The following GRM7 variants were observed in gnomAD, a reference collection of about 807,000 sequenced individuals.
The protein encoded by GRM7 is glutamate metabotropic receptor 7, also known as metabotropic glutamate receptor 7.
A neutral mutation model predicts 84.5 loss-of-function variants in GRM7; 35 were observed. The observed-to-expected ratio is 0.41, with a 90% confidence interval of 0.32 to 0.55. The LOEUF (loss-of-function observed/expected upper bound fraction) is 0.55, where lower values mean the gene tolerates loss of function less well. Among genes scored for constraint, GRM7 ranks in the 20% least tolerant of loss-of-function variants. The probability of loss-of-function intolerance (pLI) is 0.19; values close to 1 mark genes in which losing one functional copy is unlikely to be tolerated. For missense variants in GRM7, 1,003 were observed against 1,194.6 expected (o/e 0.84, Z 2.36); for synonymous variants, 487 against 455.1 (o/e 1.07, Z -0.89).
intron 8 of GRM7, among the ~76,000 whole-genome samples, chr3:7,582,528 G>C (rs1273092302): frequency 1.3e-5 from 2 of 152,056 alleles, no homozygotes; most frequent in South Asian, 4.1e-4. Flanking sequence ...ACCGTGAGAA[G>C]AGGAAAAAGA....
intron 2 of GRM7, among the ~76,000 whole-genome samples, chr3:7,248,080 T>C (rs1295526054): frequency 6.6e-6 from 1 of 152,202 alleles, no homozygotes; most frequent in Non-Finnish European, 1.5e-5. Context: ...ATAAAGTTAA[T>C]CACCTATCTG....
chr3:7,475,397 A>G (rs771332226), intron 7 of GRM7, among the ~76,000 whole-genome samples: 2 of 152,214 alleles, frequency 1.3e-5, no homozygotes, highest in East Asian at 3.8e-4. Flanking sequence ...TTATGCTTCA[A>G]TAAGAAGCTA....
intron 9 of GRM7, among the ~76,000 whole-genome samples, chr3:7,708,942 T>G (rs984668748): frequency 1.3e-5 from 2 of 151,904 alleles, no homozygotes; most frequent in African/African-American, 4.8e-5. Flanking sequence ...CACACACAAC[T>G]GAGACTTTGA....
intron 1 of GRM7, among the ~76,000 whole-genome samples, chr3:7,132,310 A>G (rs1333993515): frequency 6.6e-6 from 1 of 152,172 alleles, no homozygotes; most frequent in Non-Finnish European, 1.5e-5. Flanking sequence ...ATGTAACAAA[A>G]CATAAATACG....
At chr3:7,217,889 A>G (rs1270781322) in intron 2 of GRM7, among the ~76,000 whole-genome samples, 1 of 151,490 alleles carries the variant, frequency 6.6e-6, no homozygotes, top group East Asian at 1.9e-4. Flanking sequence ...TAATTTTGTG[A>G]TTTTCTTTTA....
At chr3:7,573,680 T>C (rs1694818680) in intron 7 of GRM7, among the ~76,000 whole-genome samples, 4 of 152,150 alleles carry the variant, frequency 2.6e-5, no homozygotes, top group Admixed American at 2.6e-4. Flanking sequence ...CTAGAAAACT[T>C]TAGCTGGTGG....
At chr3:6,964,094 T>C (rs1693405907) in intron 1 of GRM7, among the ~76,000 whole-genome samples, 3 of 152,230 alleles carry the variant, frequency 2.0e-5, no homozygotes, top group Admixed American at 6.5e-5. Flanking sequence ...ATTTTGAAGA[T>C]CAGCAATAGC....
intron 1 of GRM7, among the ~76,000 whole-genome samples, chr3:7,114,670 C>T (rs889101805): frequency 1.3e-5 from 2 of 152,148 alleles, no homozygotes; most frequent in Admixed American, 6.6e-5. Flanking sequence ...GAAATCACCA[C>T]AGAACTTGTG....
intron 5 of GRM7, among the ~76,000 whole-genome samples, chr3:7,439,029 G>A (rs886847756): frequency 1.3e-5 from 2 of 152,160 alleles, no homozygotes; most frequent in African/African-American, 2.4e-5. Context: ...AAGTTCATCA[G>A]TGGTTGATAG....
chr3:7,184,781 A>G (rs994706894), intron 2 of GRM7, among the ~76,000 whole-genome samples: 4 of 152,100 alleles, frequency 2.6e-5, no homozygotes, highest in African/African-American at 9.7e-5. Flanking sequence ...TACTCCTTAC[A>G]TTACTCATTT....
At chr3:7,195,776 C>T (rs1439574795) in intron 2 of GRM7, among the ~76,000 whole-genome samples, 1 of 152,030 alleles carries the variant, frequency 6.6e-6, no homozygotes, top group East Asian at 1.9e-4. Flanking sequence ...TACTGAGATA[C>T]AAAGGTTTAA....
At chr3:7,661,093 A>G (rs979772043) in intron 8 of GRM7, among the ~76,000 whole-genome samples, 3 of 152,212 alleles carry the variant, frequency 2.0e-5, no homozygotes, top group African/African-American at 7.2e-5. Flanking sequence ...TTTATACGTG[A>G]ACAGATTAAC....
chr3:7,649,180 C>G (rs1698810673), intron 8 of GRM7, among the ~76,000 whole-genome samples: 1 of 152,040 alleles, frequency 6.6e-6, no homozygotes, highest in African/African-American at 2.4e-5. Context: ...CGCCATTCTC[C>G]TGCCTCAGCC....
intron 1 of GRM7, among the ~76,000 whole-genome samples, chr3:7,062,842 C>G (rs1697479344): frequency 6.6e-6 from 1 of 151,734 alleles, no homozygotes; most frequent in South Asian, 2.1e-4. Flanking sequence ...AAGTATTTAT[C>G]TTAGCTGTGC....
intron 9 of GRM7, among the ~76,000 whole-genome samples, chr3:7,702,665 A>T (rs776363586): frequency 4.6e-5 from 7 of 152,328 alleles, no homozygotes; most frequent in Admixed American, 2.6e-4. Context: ...GATTTGAAAC[A>T]CTTAAACACG....
intron 1 of GRM7, among the ~76,000 whole-genome samples, chr3:6,946,145 C>T (rs1022477551): frequency 3.3e-5 from 5 of 152,172 alleles, no homozygotes; most frequent in African/African-American, 7.2e-5. Context: ...ATGCCTATGT[C>T]CTGAATCATA....
At chr3:6,958,100 T>C (rs1176283480) in intron 1 of GRM7, among the ~76,000 whole-genome samples, 2 of 152,112 alleles carry the variant, frequency 1.3e-5, no homozygotes, top group African/African-American at 4.8e-5. Context: ...TGTGTGTATA[T>C]ATATATACCC....
At chr3:7,624,124 T>C (rs1244997538) in intron 8 of GRM7, among the ~76,000 whole-genome samples, 1 of 152,248 alleles carries the variant, frequency 6.6e-6, no homozygotes, top group East Asian at 1.9e-4. Flanking sequence ...TAAGGTTGTT[T>C]TGAGAATTAG....
In GRM7 at chr3:7,452,726, G is replaced by T; in HGVS notation, c.1294G>T (p.Asp432Tyr). ...CCACATGAACAAGGATCTCTGTGCT[G>T]ACTACCGGGGTGTCTGCCCAGAGAT... ...LHHMNKDLCADYRGVCPEMEQ... is the reference protein window; with the variant it reads ...LHHMNKDLCAYYRGVCPEMEQ... The change falls in exon 6 of 10, where the codon GAC (aspartate) becomes TAC (tyrosine). Residue 432 changes from aspartate to tyrosine, a missense_variant. By Grantham distance (160) the Asp-to-Tyr change is radical. This residue lies in a region of GRM7 where 910 missense variants were observed against 1,126.0 expected (regional missense o/e 0.81). Transcript: ENST00000357716. 1 of 1,613,452 alleles carries T rather than the reference G, an allele frequency of 6.2e-7. No homozygotes were observed.
Sources: gnomAD v4.1 joint callset for allele counts (sites outside exome capture counted in the v4.1 genomes callset) on GRCh38, gnomAD v4.1.1 for gene constraint, gnomAD v4.1.1 regional missense constraint, MANE v1.5 for transcripts, NCBI Gene and HGNC (gene_info 2026-07-23, HGNC 2026-07-21) for gene names.